MAN1A2: variants seen among roughly 807,000 people sequenced by gnomAD.
MAN1A2 encodes mannosyl-oligosaccharide 1,2-alpha-mannosidase IB.
MAN1A2 carries 26 observed loss-of-function variants against 75.7 expected under a neutral mutation model. The ratio of observed to expected loss-of-function variants is 0.34; its 90% confidence interval spans 0.25 to 0.48. The LOEUF is 0.48. Ranked by LOEUF, MAN1A2 falls within the 20% of genes least tolerant of loss-of-function variation. The pLI, the probability that MAN1A2 is intolerant of heterozygous loss-of-function variation, is 0.99. For synonymous variants in MAN1A2, 247 were observed against 264.6 expected (o/e 0.93, Z 0.65); for missense variants, 562 against 775.5 (o/e 0.72, Z 3.27).
chr1:117,415,642 A>G (rs573933171), intron 4 of MAN1A2, among the ~76,000 whole-genome samples: 33 of 143,618 alleles, frequency 2.3e-4, no homozygotes, highest in African/African-American at 7.7e-4. Flanking sequence ...AATATAAAAG[A>G]GCTTAAACAA....
chr1:117,439,851 G>A (rs1160069780), intron 5 of MAN1A2, among the ~76,000 whole-genome samples: 2 of 152,142 alleles, frequency 1.3e-5, no homozygotes, highest in Non-Finnish European at 2.9e-5. Flanking sequence ...TCATGAAAAA[G>A]CCACTCATAA....
At chr1:117,428,743 T>A (rs1648467351) in intron 5 of MAN1A2, among the ~76,000 whole-genome samples, 1 of 151,226 alleles carries the variant, frequency 6.6e-6, no homozygotes, top group African/African-American at 2.4e-5. Context: ...CAGAGTATAC[T>A]TCAAGATGAA....
intron 8 of MAN1A2, among the ~76,000 whole-genome samples, chr1:117,475,418 G>A (rs550231484): frequency 1.3e-5 from 2 of 151,678 alleles, no homozygotes; most frequent in East Asian, 2.0e-4. Context: ...GCCAGAACGT[G>A]GTTTGTTATG....
At chr1:117,452,618 G>A (rs531742403) in intron 6 of MAN1A2, among the ~76,000 whole-genome samples, 3 of 152,310 alleles carry the variant, frequency 2.0e-5, no homozygotes, top group South Asian at 2.1e-4. Context: ...CTCTCTTCAC[G>A]TCTGTGAATG....
In MAN1A2 at chr1:117,374,145, G is replaced by A. The variant is rs7539433; in HGVS notation, c.302+5660G>A. On this transcript the variant is annotated intron_variant, in intron 1 of 12. Transcript: ENST00000356554. ...TGAGACCCTGTCACTGCACATACTC[G>A]CACATGCACACAGCTGGGCATGGTG... Among the ~76,000 whole-genome samples, 3 of 152,076 alleles carry A rather than the reference G, an allele frequency of 2.0e-5. No individual in the cohort carries two copies. The South Asian group carries it at 6.2e-4, about 32-fold the overall frequency.
intron 1 of MAN1A2, among the ~76,000 whole-genome samples, chr1:117,389,692 T>C (rs1180975810): frequency 3.3e-5 from 5 of 152,198 alleles, no homozygotes; most frequent in African/African-American, 1.2e-4. Context: ...AAAGGTCTTA[T>C]AAGGTTTATA....
chr1:117,489,456 CTTATG>C (rs938049097), intron 8 of MAN1A2, among the ~76,000 whole-genome samples: 15 of 152,092 alleles, frequency 9.9e-5, no homozygotes, highest in East Asian at 3.9e-4. Flanking sequence ...GGCATCCTTT[CTTATG>C]TTAATTATAA....
chr1:117,452,347 G>A (rs1454173426), intron 6 of MAN1A2, among the ~76,000 whole-genome samples: 1 of 151,952 alleles, frequency 6.6e-6, no homozygotes, highest in Non-Finnish European at 1.5e-5. Context: ...GCTTAGTGAG[G>A]AAGGCATGTG....
intron 6 of MAN1A2, among the ~76,000 whole-genome samples, chr1:117,453,362 C>T (rs1649482474): frequency 6.6e-6 from 1 of 152,176 alleles, no homozygotes; most frequent in Non-Finnish European, 1.5e-5. Context: ...GGAAAGGAGT[C>T]ACTATTCTAG....
At chr1:117,485,894 T>A (rs1057362782) in intron 8 of MAN1A2, among the ~76,000 whole-genome samples, 7 of 151,924 alleles carry the variant, frequency 4.6e-5, no homozygotes, top group Non-Finnish European at 8.8e-5. Flanking sequence ...AGCCCATCCT[T>A]CCTCAAAGTA....
At chr1:117,474,250 C>T (rs1465781636) in intron 8 of MAN1A2, among the ~76,000 whole-genome samples, 5 of 151,982 alleles carry the variant, frequency 3.3e-5, no homozygotes, top group African/African-American at 9.7e-5. Flanking sequence ...TCCCAAAACT[C>T]GTATCAACCC....
chr1:117,368,207 C>A lies in MAN1A2; in HGVS notation c.24C>A (p.Pro8=), dbSNP rs1363003430. MTTPALL[P]LSGRRIPPLN... ...CGATGACTACCCCAGCCCTGCTGCCCCTCTCTGGACGTAGGATACCACCTC... is the reference window on the plus strand; with the variant it reads ...CGATGACTACCCCAGCCCTGCTGCCACTCTCTGGACGTAGGATACCACCTC... The change falls in exon 1 of 13, where the codon CCC becomes CCA. Residue 8 remains proline (P), a synonymous_variant. Transcript: ENST00000356554. The A allele has an allele frequency of 1.5e-5, 24 of 1,613,272 alleles. 1 individual carries two copies. In the East Asian group the frequency reaches 4.9e-4, roughly 33 times the overall value.
intron 8 of MAN1A2, among the ~76,000 whole-genome samples, chr1:117,490,195 GGT>G (rs138817476): frequency 6.6e-6 from 1 of 151,368 alleles, no homozygotes; most frequent in Non-Finnish European, 1.5e-5. Flanking sequence ...TGCAGGGTTT[GGT>G]GTGTGTGTGT....
At chr1:117,448,951 A>G (rs1202677625) in intron 6 of MAN1A2, among the ~76,000 whole-genome samples, 1 of 152,130 alleles carries the variant, frequency 6.6e-6, no homozygotes, top group East Asian at 1.9e-4. Context: ...CCAACAGCAT[A>G]TATCACATTT....
intron 1 of MAN1A2, among the ~76,000 whole-genome samples, chr1:117,395,566 A>T (rs113941425): frequency 6.6e-6 from 1 of 152,328 alleles, no homozygotes; most frequent in African/African-American, 2.4e-5. Context: ...GATGTGTTGA[A>T]GGACAAAACA....
intron 12 of MAN1A2, among the ~76,000 whole-genome samples, chr1:117,513,066 C>G (rs1043486956): frequency 6.6e-6 from 1 of 152,066 alleles, no homozygotes; most frequent in Non-Finnish European, 1.5e-5. Flanking sequence ...AAACATCAGC[C>G]TTACTTGATG....
At chr1:117,481,844 C>A (rs111291220) in intron 8 of MAN1A2, among the ~76,000 whole-genome samples, 3 of 151,972 alleles carry the variant, frequency 2.0e-5, no homozygotes, top group African/African-American at 4.8e-5. Context: ...CAAGGCCAGT[C>A]CAGTTTCAAA....
chr1:117,459,220 CAT>C (rs1220236755), intron 6 of MAN1A2, among the ~76,000 whole-genome samples: 2 of 152,070 alleles, frequency 1.3e-5, no homozygotes, highest in Admixed American at 6.6e-5. Flanking sequence ...ATGACTGAAA[CAT>C]AGGGACAAAA....
chr1:117,490,201 T>C (rs977921802), intron 8 of MAN1A2, among the ~76,000 whole-genome samples: 8 of 152,154 alleles, frequency 5.3e-5, no homozygotes, highest in Admixed American at 3.9e-4. Context: ...GTTTGGTGTG[T>C]GTGTGTGTGT....
Sources: gnomAD v4.1 joint callset for allele counts (sites outside exome capture counted in the v4.1 genomes callset) on GRCh38, gnomAD v4.1.1 for gene constraint, MANE v1.5 for transcripts, NCBI Gene and HGNC (gene_info 2026-07-23, HGNC 2026-07-21) for gene names.